RBM19: variants seen among roughly 807,000 people sequenced by gnomAD.
RBM19 encodes the protein RNA binding motif protein 19, also known as probable RNA-binding protein 19.
Under a neutral mutation model 116.8 loss-of-function variants are expected in RBM19, and 94 were observed. The ratio of observed to expected loss-of-function variants is 0.80; its 90% CI spans 0.68 to 0.95. The LOEUF (loss-of-function observed/expected upper bound fraction) is 0.95. Ranked by LOEUF, RBM19 falls within the 40% of genes least tolerant of loss-of-function variation. RBM19 has a pLI of 0.00. For synonymous variants in RBM19, 475 were observed against 494.1 expected (o/e 0.96, Z 0.51); for missense variants, 1,161 against 1,220.7 (o/e 0.95, Z 0.73).
intron 4 of RBM19, 79 bp from the exon 5 acceptor site, chr12:113,959,483 G>C (rs1872295015): frequency 7.0e-7 from 1 of 1,438,592 alleles, no homozygotes; most frequent in African/African-American, 1.4e-5. Context: ...GGTGGGGCTT[G>C]ATCTTTCTAA....
intron 1 of RBM19, among the ~76,000 whole-genome samples, chr12:113,963,204 A>C (rs1276141075): frequency 1.3e-5 from 2 of 152,224 alleles, no homozygotes; most frequent in Non-Finnish European, 2.9e-5. Flanking sequence ...GGATTGTTTA[A>C]GCCACTAAGT....
intron 12 of RBM19, 91 bp from the exon 13 acceptor site, chr12:113,946,015 T>C (rs2135917873): frequency 1.7e-6 from 2 of 1,186,794 alleles, no homozygotes; most frequent in Non-Finnish European, 2.4e-6. Flanking sequence ...AATGGGCTCC[T>C]AGGCCTGCCT....
At chr12:113,841,583 C>T (rs1876481118) in intron 23 of RBM19, among the ~76,000 whole-genome samples, 1 of 152,076 alleles carries the variant, frequency 6.6e-6, no homozygotes, top group South Asian at 2.1e-4. Flanking sequence ...GCCACCAAGC[C>T]TGGCTATTTT....
intron 18 of RBM19, among the ~76,000 whole-genome samples, chr12:113,924,493 G>A (rs754809362): frequency 2.6e-5 from 4 of 152,164 alleles, no homozygotes; most frequent in Non-Finnish European, 5.9e-5. Context: ...CCAAGAGGCT[G>A]CTTCGACTGG....
chr12:113,923,450 C>T (rs1157151986), intron 18 of RBM19, among the ~76,000 whole-genome samples: 4 of 152,156 alleles, frequency 2.6e-5, no homozygotes, highest in Non-Finnish European at 4.4e-5. Context: ...TATGGCAGCC[C>T]GGCAAACGAA....
intron 21 of RBM19, among the ~76,000 whole-genome samples, chr12:113,862,762 A>C (rs1366278911): frequency 6.6e-6 from 1 of 152,174 alleles, no homozygotes; most frequent in Non-Finnish European, 1.5e-5. Context: ...CACACTCCCC[A>C]CTGTGCAGAT....
intron 23 of RBM19, among the ~76,000 whole-genome samples, chr12:113,834,774 A>G (rs1317555933): frequency 2.0e-5 from 3 of 152,158 alleles, no homozygotes; most frequent in African/African-American, 4.8e-5. Flanking sequence ...GACATTAACT[A>G]CAGTTCTGCA....
intron 13 of RBM19, among the ~76,000 whole-genome samples, chr12:113,943,305 G>C (rs1593626885): frequency 1.3e-5 from 2 of 152,238 alleles, no homozygotes; most frequent in East Asian, 3.9e-4. Flanking sequence ...AGAACTCAGA[G>C]TACTCGGGGG....
chr12:113,919,749 G>T (rs1195385073), intron 19 of RBM19, among the ~76,000 whole-genome samples: 1 of 152,092 alleles, frequency 6.6e-6, no homozygotes, highest in Non-Finnish European at 1.5e-5. Context: ...AGGATGTTGA[G>T]TCTCTGTCCA....
At chr12:113,962,897 T>C (rs1334978328) in intron 1 of RBM19, among the ~76,000 whole-genome samples, 1 of 152,146 alleles carries the variant, frequency 6.6e-6, no homozygotes, top group Non-Finnish European at 1.5e-5. Flanking sequence ...GTGTGACTGA[T>C]ATGGAGATGG....
chr12:113,877,696 G>T (rs991674889), intron 21 of RBM19, among the ~76,000 whole-genome samples: 1 of 152,236 alleles, frequency 6.6e-6, no homozygotes, highest in Non-Finnish European at 1.5e-5. Flanking sequence ...CAAAAGGACA[G>T]TAGCTGCAAG....
chr12:113,922,395 G>C (rs779748172), intron 18 of RBM19, among the ~76,000 whole-genome samples: 1 of 152,130 alleles, frequency 6.6e-6, no homozygotes, highest in Non-Finnish European at 1.5e-5. Context: ...CTCAAATACA[G>C]GCCCTTGAAA....
At chr12:113,901,295 A>G (rs978010848) in intron 21 of RBM19, among the ~76,000 whole-genome samples, 3 of 151,986 alleles carry the variant, frequency 2.0e-5, no homozygotes, top group African/African-American at 7.3e-5. Context: ...CTCTTCCCCC[A>G]CTTATCCCCC....
At chr12:113,959,001 G>A (rs1267963428) in intron 5 of RBM19, among the ~76,000 whole-genome samples, 1 of 152,180 alleles carries the variant, frequency 6.6e-6, no homozygotes, top group African/African-American at 2.4e-5. Flanking sequence ...GCAGATAATA[G>A]GTGCTCAAGA....
intron 21 of RBM19, among the ~76,000 whole-genome samples, chr12:113,899,579 G>C (rs910185319): frequency 6.6e-6 from 1 of 152,152 alleles, no homozygotes; most frequent in African/African-American, 2.4e-5. Flanking sequence ...AGCCAAAACG[G>C]TTCCTTCCCT....
chr12:113,887,625 A>G (rs1593535864), intron 21 of RBM19, among the ~76,000 whole-genome samples: 1 of 74,994 alleles, frequency 1.3e-5, no homozygotes, highest in South Asian at 5.6e-4. Context: ...ACAGAGCAAG[A>G]CTCCATCTCA....
In RBM19 at chr12:113,966,182, C is replaced by T. The variant is rs773470447; in HGVS notation, c.36+10G>A. On this transcript the variant is annotated intron_variant, in intron 1 of 23. Coordinates refer to ENST00000261741, the MANE Select transcript of RBM19 (RefSeq NM_016196.4). ...CATTTCAGATTCCCAAGTCCTGCCT[C>T]TGCACTCACCCCATTCGGGAGATTC... 4 of 1,614,142 alleles carry T rather than the reference C, an allele frequency of 2.5e-6. No individual in the cohort carries two copies. The African/African-American group carries it at 5.3e-5, about 22-fold the overall frequency.
At chr12:113,915,679 G>C (rs528484076) in intron 20 of RBM19, among the ~76,000 whole-genome samples, 6 of 152,182 alleles carry the variant, frequency 3.9e-5, no homozygotes, top group Admixed American at 1.3e-4. Flanking sequence ...TGCCAAATCC[G>C]ACACTTAGGA....
intron 22 of RBM19, among the ~76,000 whole-genome samples, chr12:113,851,737 T>TG (rs1877463847): frequency 6.6e-6 from 1 of 151,110 alleles, no homozygotes; most frequent in Admixed American, 6.6e-5. Flanking sequence ...TGGTAAAGTT[T>TG]TTTTTTTTTT....
Sources: allele counts gnomAD v4.1 joint callset (sites outside exome capture counted in the v4.1 genomes callset), GRCh38; gene constraint gnomAD v4.1.1; transcripts MANE v1.5; gene names NCBI Gene and HGNC (gene_info 2026-07-23, HGNC 2026-07-21).